Variants in SP140 observed in about 807,000 individuals in gnomAD.
The protein encoded by SP140 is SP140 nuclear body protein.
A neutral mutation model predicts 125.0 loss-of-function variants in SP140; 81 were observed. The observed-to-expected ratio is 0.65, with a 90% CI of 0.54 to 0.78. The LOEUF (loss-of-function observed/expected upper bound fraction) is 0.78, where lower values mean the gene tolerates loss of function less well. Ranked by LOEUF, SP140 falls within the 30% of genes least tolerant of loss-of-function variation. The probability of loss-of-function intolerance (pLI) is 0.00; values close to 1 mark genes in which losing one functional copy is unlikely to be tolerated. For synonymous variants in SP140, 312 were observed against 354.0 expected (o/e 0.88, Z 1.33); for missense variants, 858 against 1,037.0 (o/e 0.83, Z 2.37).
rs575863100 is a variant in SP140, at chr2:230,239,519, C to T, written c.406+1138C>T. Among the ~76,000 whole-genome samples, 37 of 152,256 alleles carry T rather than the reference C, an allele frequency of 2.4e-4. No homozygotes were observed. The South Asian group carries it at 7.5e-3, about 31-fold the overall frequency. On this transcript the variant is annotated intron_variant, in intron 3 of 26. Coordinates refer to ENST00000392045, the MANE Select transcript of SP140 (RefSeq NM_007237.5). ...CTGGAGTGCAGTGGTGTGATCTTGG[C>T]TACTGCAACCTCCACCTCCTGGGTT...
chr2:230,212,374 G>A (rs368321181), intron 1 of SP140: 1 of 1,613,214 alleles, frequency 6.2e-7, no homozygotes, highest in Non-Finnish European at 8.5e-7. Flanking sequence ...AGGAGGCTGG[G>A]CATCTCTTCT....
chr2:230,248,747 G>C (rs2049897884), intron 8 of SP140, 138 bp from the exon 9 acceptor site: 1 of 652,132 alleles, frequency 1.5e-6, no homozygotes, highest in African/African-American at 1.8e-5. Context: ...GGAGAAAGAG[G>C]AGCTGCAACA....
At chr2:230,300,820 A>G (rs2058218644) in intron 22 of SP140, among the ~76,000 whole-genome samples, 1 of 152,258 alleles carries the variant, frequency 6.6e-6, no homozygotes, top group Admixed American at 6.5e-5. Context: ...ATTGCCAGAA[A>G]AAGAATTCAG....
At position 230,304,646 on chromosome 2, in the gene SP140, G is replaced by A. The variant is rs868083027; in HGVS notation, c.2059-5278G>A. ...CTAACCTTTGACAAAGCAAACAAAA[G>A]CATAAAGGGGGAAAGGACACCCCAT... is the stretch of plus-strand genomic sequence containing the variant. On this transcript the variant is annotated intron_variant, in intron 22 of 26. Coordinates refer to ENST00000392045, the MANE Select transcript of SP140 (RefSeq NM_007237.5). Among the ~76,000 whole-genome samples, 6 of 152,190 alleles carry A rather than the reference G, an allele frequency of 3.9e-5. No individual in the cohort carries two copies. The South Asian group carries it at 8.3e-4, about 21-fold the overall frequency.
chr2:230,202,843 T>C, upstream of SP140: 1 of 909,718 alleles, frequency 1.1e-6, no homozygotes, highest in Non-Finnish European at 1.8e-6. Flanking sequence ...TTCAGATCTC[T>C]GTACCCCTGT....
chr2:230,202,463 T>G, upstream of SP140: 1 of 938,534 alleles, frequency 1.1e-6, no homozygotes, highest in Non-Finnish European at 1.7e-6. Context: ...ATCCTCATTC[T>G]CTGTACTTTT....
At chr2:230,206,641 A>G (rs1208880435) in intron 1 of SP140, among the ~76,000 whole-genome samples, 2 of 126,750 alleles carry the variant, frequency 1.6e-5, no homozygotes, top group South Asian at 5.0e-4. Flanking sequence ...ATATATATGG[A>G]CCACACTTTT....
intron 1 of SP140, among the ~76,000 whole-genome samples, chr2:230,227,543 G>T (rs1230083430): frequency 6.6e-6 from 1 of 152,228 alleles, no homozygotes; most frequent in East Asian, 1.9e-4. Context: ...ATTAGCTAGT[G>T]ATACCATCTG....
chr2:230,242,019 C>A (rs2048801351), intron 4 of SP140, among the ~76,000 whole-genome samples: 1 of 151,560 alleles, frequency 6.6e-6, no homozygotes, highest in African/African-American at 2.4e-5. Flanking sequence ...CGCAGGGAGA[C>A]AAAACTGAAA....
At chr2:230,229,819 T>C (rs888961558) in intron 1 of SP140, among the ~76,000 whole-genome samples, 1 of 152,080 alleles carries the variant, frequency 6.6e-6, no homozygotes, top group Non-Finnish European at 1.5e-5. Flanking sequence ...GAAGCCTACA[T>C]AGGCTTTTTT....
At chr2:230,248,458 A>G (rs988779500) in intron 8 of SP140, among the ~76,000 whole-genome samples, 1 of 152,092 alleles carries the variant, frequency 6.6e-6, no homozygotes, top group Non-Finnish European at 1.5e-5. Flanking sequence ...GGATCAATGT[A>G]AGGCTTTAAG....
Position 230,214,903 on chromosome 2 carries a change from C to T in SP140, c.-91+829C>T, listed in dbSNP as rs776908864. ...GGCTAGAAGTAAACCCAGACTTTTA[C>T]CATAGCAACTTTTTAAATGCAAAAA... On this transcript the variant is annotated intron_variant, in intron 3 of 4. Coordinates refer to the SP140 transcript ENST00000456542. 3.9e-6 allele frequency: 6 copies of T among 1,538,266 alleles called. No homozygotes were observed. The African/African-American group carries it at 6.8e-5, about 17-fold the overall frequency.
At chr2:230,292,816 G>C (rs750537348) in intron 20 of SP140, 28 bp downstream of exon 20, 21 of 1,612,618 alleles carry the variant, frequency 1.3e-5, no homozygotes, top group Admixed American at 1.7e-5. Flanking sequence ...GGCCAGGCCT[G>C]TGTTCCTTCT....
chr2:230,210,102 A>G, intron 1 of SP140: 1 of 818,312 alleles, frequency 1.2e-6, no homozygotes, highest in Non-Finnish European at 2.2e-6. Flanking sequence ...AGTAGAAAGT[A>G]CATGCAGCCC....
intron 1 of SP140, among the ~76,000 whole-genome samples, chr2:230,231,797 C>A (rs2047289891): frequency 6.6e-6 from 1 of 152,066 alleles, no homozygotes; most frequent in African/African-American, 2.4e-5. Flanking sequence ...ACTTCTGCCT[C>A]CTAGGTTCAA....
chr2:230,238,998 G>A, intron 3 of SP140: 2 of 1,478,548 alleles, frequency 1.4e-6, no homozygotes, highest in Non-Finnish European at 1.8e-6. Context: ...GATTCTGGAA[G>A]GCTTGACACC....
intron 1 of SP140, among the ~76,000 whole-genome samples, chr2:230,207,405 T>A (rs1301506047): frequency 6.6e-6 from 1 of 152,164 alleles, no homozygotes. Flanking sequence ...CCTGCAGCAC[T>A]CATATATATA....
At chr2:230,303,137 TAAAC>T (rs1346255871) in intron 22 of SP140, among the ~76,000 whole-genome samples, 5 of 151,992 alleles carry the variant, frequency 3.3e-5, no homozygotes, top group African/African-American at 1.2e-4. Context: ...TTTGAAAAGA[TAAAC>T]AAAATTGATA....
At chr2:230,266,468 C>T (rs925370801) in intron 12 of SP140, among the ~76,000 whole-genome samples, 17 of 152,182 alleles carry the variant, frequency 1.1e-4, no homozygotes, top group African/African-American at 4.1e-4. Context: ...GTTCGTTTTT[C>T]ATTGCTGCAT....
Sources: gnomAD v4.1 joint callset for allele counts (sites outside exome capture counted in the v4.1 genomes callset) on GRCh38, gnomAD v4.1.1 for gene constraint, MANE v1.5 for transcripts, NCBI Gene and HGNC (gene_info 2026-07-23, HGNC 2026-07-21) for gene names.